The following ROBO2 variants were observed in gnomAD, a reference collection of about 807,000 sequenced individuals.
ROBO2 encodes the protein roundabout homolog 2.
A neutral mutation model predicts 160.8 loss-of-function variants in ROBO2; 53 were observed. That is an observed-to-expected ratio of 0.33 (90% CI 0.26 to 0.41). The LOEUF (loss-of-function observed/expected upper bound fraction) is 0.41, where lower values mean the gene tolerates loss of function less well. Among genes scored for constraint, ROBO2 ranks in the 10% least tolerant of loss-of-function variants. The probability of loss-of-function intolerance (pLI) is 1.00; values close to 1 mark genes in which losing one functional copy is unlikely to be tolerated. For missense variants in ROBO2, 1,577 were observed against 1,722.4 expected (o/e 0.92, Z 1.49); for synonymous variants, 664 against 611.7 (o/e 1.09, Z -1.26).
intron 6 of ROBO2, among the ~76,000 whole-genome samples, chr3:77,533,529 T>C (rs914617104): frequency 1.3e-5 from 2 of 152,156 alleles, no homozygotes; most frequent in East Asian, 1.9e-4. Context: ...TGGTTCCTTG[T>C]GGTTGTAGGA....
intron 2 of ROBO2, among the ~76,000 whole-genome samples, chr3:76,225,351 G>A (rs970610696): frequency 5.9e-5 from 9 of 152,018 alleles, no homozygotes; most frequent in Admixed American, 2.6e-4. Context: ...TTTTTATGTC[G>A]TAGGTATTAC....
At chr3:77,194,407 T>G (rs939304625) in intron 2 of ROBO2, among the ~76,000 whole-genome samples, 2 of 152,224 alleles carry the variant, frequency 1.3e-5, no homozygotes, top group Non-Finnish European at 2.9e-5. Context: ...TGGCTGTTAC[T>G]TAATCTCACT....
chr3:77,640,759 C>T (rs1261534562), intron 24 of ROBO2, among the ~76,000 whole-genome samples: 3 of 152,166 alleles, frequency 2.0e-5, no homozygotes, highest in Admixed American at 6.5e-5. Flanking sequence ...TGATTACATA[C>T]TTTTATTTTT....
chr3:76,231,247 A>G (rs1704606005), intron 2 of ROBO2, among the ~76,000 whole-genome samples: 1 of 152,036 alleles, frequency 6.6e-6, no homozygotes, highest in Non-Finnish European at 1.5e-5. Context: ...AGCAATTATA[A>G]CCGTTTCTTG....
intron 1 of ROBO2, among the ~76,000 whole-genome samples, chr3:77,043,923 T>A (rs1045361915): frequency 2.0e-5 from 3 of 152,174 alleles, no homozygotes; most frequent in Non-Finnish European, 2.9e-5. Context: ...ATAGTGCAGA[T>A]GTAGAATCTC....
intron 2 of ROBO2, among the ~76,000 whole-genome samples, chr3:76,315,766 A>G (rs1049465262): frequency 6.6e-6 from 1 of 152,194 alleles, no homozygotes; most frequent in African/African-American, 2.4e-5. Flanking sequence ...TAAGAAATCA[A>G]TATTTTCATT....
intron 2 of ROBO2, among the ~76,000 whole-genome samples, chr3:76,975,325 C>T (rs879367163): frequency 2.0e-5 from 3 of 151,956 alleles, no homozygotes; most frequent in Non-Finnish European, 4.4e-5. Context: ...GCCAACATGG[C>T]GAAACCCCGT....
At chr3:76,696,260 C>G (rs17014536) in intron 2 of ROBO2, among the ~76,000 whole-genome samples, 1,985 of 152,200 alleles carry the variant, frequency 0.013, 37 homozygotes, top group African/African-American at 0.045. Context: ...TGGATTCTTC[C>G]TTATTATATG....
intron 2 of ROBO2, among the ~76,000 whole-genome samples, chr3:75,996,762 CATCAATTCT>C: frequency 1.2e-5 from 1 of 83,394 alleles, no homozygotes; most frequent in Non-Finnish European, 3.1e-5. Flanking sequence ...ATATGTAAAT[CATCAATTCT>C]GATATATGTA....
chr3:76,403,098 C>T (rs1020482364), intron 2 of ROBO2, among the ~76,000 whole-genome samples: 2 of 151,502 alleles, frequency 1.3e-5, no homozygotes, highest in African/African-American at 4.8e-5. Flanking sequence ...GTACAAAGAA[C>T]TGGAATATAG....
intron 2 of ROBO2, among the ~76,000 whole-genome samples, chr3:76,069,675 G>A (rs1471198553): frequency 6.6e-6 from 1 of 151,766 alleles, no homozygotes; most frequent in East Asian, 1.9e-4. Flanking sequence ...GTAAAGTCTT[G>A]ACAAGTTCTT....
At chr3:77,175,534 A>G (rs1452072787) in intron 2 of ROBO2, among the ~76,000 whole-genome samples, 1 of 152,034 alleles carries the variant, frequency 6.6e-6, no homozygotes, top group Non-Finnish European at 1.5e-5. Flanking sequence ...TGTTAGCAAC[A>G]GTGGACAGTT....
chr3:76,780,158 C>A lies in ROBO2; in HGVS notation c.110-317856C>A, dbSNP rs193033171. On this transcript the variant is annotated intron_variant, in intron 2 of 26. Transcript: ENST00000487694. ...TCTGATGATTAGTAATGTTGAGCAC[C>A]TTTACATGTTGGGCATTTGTGTGGA... is the stretch of plus-strand genomic sequence containing the variant. Among the ~76,000 whole-genome samples the A allele has an allele frequency of 2.9e-4, 43 of 148,748 alleles. No homozygotes were observed. In the South Asian group the frequency reaches 8.4e-3, roughly 29 times the overall value.
intron 2 of ROBO2, among the ~76,000 whole-genome samples, chr3:76,472,276 A>G (rs1402248361): frequency 1.3e-5 from 2 of 152,142 alleles, no homozygotes; most frequent in African/African-American, 2.4e-5. Context: ...GTTTATATAT[A>G]AAGTCTCAAA....
intron 2 of ROBO2, among the ~76,000 whole-genome samples, chr3:76,582,573 A>T (rs1027678888): frequency 2.0e-5 from 3 of 152,220 alleles, no homozygotes; most frequent in Non-Finnish European, 4.4e-5. Flanking sequence ...AATTAAAAAA[A>T]CAAACAAACA....
intron 2 of ROBO2, among the ~76,000 whole-genome samples, chr3:76,217,494 C>T (rs937434789): frequency 5.3e-5 from 8 of 152,074 alleles, no homozygotes; most frequent in Non-Finnish European, 1.2e-4. Context: ...ACCACCGATC[C>T]CACAGAAATA....
chr3:76,168,757 ATATAAT>A (rs66832708), intron 2 of ROBO2, among the ~76,000 whole-genome samples: 7,007 of 152,116 alleles, frequency 0.046, 362 homozygotes, highest in East Asian at 0.22. Flanking sequence ...GTCTTATAAA[ATATAAT>A]TATGATAAAT....
chr3:76,964,504 G>A (rs1015298780), intron 2 of ROBO2, among the ~76,000 whole-genome samples: 1 of 151,932 alleles, frequency 6.6e-6, no homozygotes, highest in Non-Finnish European at 1.5e-5. Flanking sequence ...CACCATGCCC[G>A]GCTAATTTTT....
chr3:77,168,024 T>G (rs1371649290), intron 2 of ROBO2, among the ~76,000 whole-genome samples: 1 of 152,224 alleles, frequency 6.6e-6, no homozygotes, highest in East Asian at 1.9e-4. Flanking sequence ...ATGAACTTAA[T>G]GCATACCTTG....
Sources: allele counts gnomAD v4.1 joint callset (sites outside exome capture counted in the v4.1 genomes callset), GRCh38; gene constraint gnomAD v4.1.1; transcripts MANE v1.5; gene names NCBI Gene and HGNC (gene_info 2026-07-23, HGNC 2026-07-21).